R3HDM2: variants seen among roughly 807,000 people sequenced by gnomAD.
R3HDM2 encodes R3H domain-containing protein 2.
In R3HDM2, 38 loss-of-function variants were observed where a neutral mutation model predicts 124.5. The observed-to-expected ratio is 0.31, with a 90% confidence interval of 0.24 to 0.40. The LOEUF is 0.40. Ranked by LOEUF, R3HDM2 falls within the 10% of genes least tolerant of loss-of-function variation. The probability of loss-of-function intolerance (pLI) is 1.00; values close to 1 mark genes in which losing one functional copy is unlikely to be tolerated. For missense variants in R3HDM2, 869 were observed against 1,236.9 expected, an observed-to-expected ratio of 0.70 and a Z score of 4.46; for synonymous variants, 391 against 448.0, an observed-to-expected ratio of 0.87 and a Z score of 1.61.
intron 12 of R3HDM2, among the ~76,000 whole-genome samples, chr12:57,284,740 G>C (rs2046944383): frequency 6.6e-6 from 1 of 152,194 alleles, no homozygotes; most frequent in Admixed American, 6.5e-5. Flanking sequence ...ATATGCTCTT[G>C]GGACTCAGGA....
At position 57,280,565 on chromosome 12, in the gene R3HDM2, G is replaced by A. The variant is rs762463712; in HGVS notation, c.1172-35C>T. On this transcript the variant is annotated intron_variant, in intron 13 of 23. Transcript: ENST00000402412. ...AGAAGAAACCCACAAAAAGTTGTAA[G>A]CATAAGCCACGAACACATTATCCCT... The A allele has an allele frequency of 1.9e-6, 3 of 1,554,582 alleles. No individual in the cohort carries two copies. The South Asian group carries it at 3.6e-5, about 19-fold the overall frequency.
Position 57,256,472 on chromosome 12 carries a change from T to C in R3HDM2, c.2489A>G (p.Tyr830Cys). 6.3e-7 allele frequency: 1 copy of C among 1,598,602 alleles called. No individual in the cohort carries two copies. Among genetic ancestry groups the C allele is most frequent in the African/African-American group, 1.3e-5 (1 of 74,706 alleles). Residue 830 changes from tyrosine (Y) to cysteine (C), a missense_variant, in exon 22 of 24, where the codon TAC (tyrosine) becomes TGC (cysteine). Tyr to Cys is a radical substitution (Grantham distance 194, BLOSUM62 -2). This residue lies in a region of R3HDM2 where 602 missense variants were observed against 789.2 expected (regional missense o/e 0.76). Transcript: ENST00000402412. ...RYSLLGQPLQ[Y>C]NLSICPPLLH... ...CAAGGGAGGGCAGATGGACAGATTGTACTGTAATGGCTGGCCCAAAAGGGA... is the reference window on the plus strand; with the variant it reads ...CAAGGGAGGGCAGATGGACAGATTGCACTGTAATGGCTGGCCCAAAAGGGA...
chr12:57,291,137 C>A (rs991315889), intron 11 of R3HDM2, among the ~76,000 whole-genome samples: 5 of 152,130 alleles, frequency 3.3e-5, no homozygotes, highest in Non-Finnish European at 5.9e-5. Flanking sequence ...CCTTCTTGGA[C>A]TTTGGGCCAG....
intron 2 of R3HDM2, among the ~76,000 whole-genome samples, chr12:57,367,628 G>A (rs1239145636): frequency 6.6e-6 from 1 of 152,156 alleles, no homozygotes; most frequent in Non-Finnish European, 1.5e-5. Flanking sequence ...CTGAAAGGTG[G>A]ACAATCATAG....
rs1220659478 is a variant in R3HDM2 at position 57,427,295 on chromosome 12, AAAAT to A, written c.-106+3421_-106+3424del. Among the ~76,000 whole-genome samples the A allele has an allele frequency of 2.0e-5, 3 of 149,004 alleles. No homozygotes were observed. The East Asian group carries it at 5.9e-4, about 29-fold the overall frequency. The stretch of plus-strand genomic sequence containing the variant: ...GACAGACAGAGGTTCTGTCTCAAAA[AAAAT>A]AAATAAATAATAATAAAATAAAATA... On this transcript the variant is annotated intron_variant, in intron 1 of 23. Coordinates refer to ENST00000402412, the MANE Select transcript of R3HDM2 (RefSeq NM_001394031.1).
At chr12:57,358,131 G>A (rs1205325088) in intron 2 of R3HDM2, among the ~76,000 whole-genome samples, 1 of 116,662 alleles carries the variant, frequency 8.6e-6, no homozygotes, top group African/African-American at 3.4e-5. Context: ...GGCGCGTGAC[G>A]CTACGCCCAG....
chr12:57,430,769 G>A lies in R3HDM2; in HGVS notation c.-155C>T, dbSNP rs1036422645. 1.7e-3 allele frequency: 300 copies of A among 171,874 alleles called. 2 individuals are homozygous for A. Among genetic ancestry groups the A allele is most frequent in the African/African-American group, 6.8e-3 (282 of 41,434 alleles). The allele number at this position is 171,874 out of a possible 1,614,324, so 10.6% of individuals were successfully genotyped here. A position where few individuals can be genotyped will look rare whatever the true frequency, so the allele number is the denominator to read the frequency against. On this transcript the variant is annotated 5_prime_UTR_variant, in exon 1 of 24. Coordinates refer to ENST00000402412, the MANE Select transcript of R3HDM2 (RefSeq NM_001394031.1). ...GCGCCCACGTCTCCGCCCGCCGCCCGGGCCCACGGCCGCTCGGCTGCGGCT... is the reference window on the plus strand; with the variant it reads ...GCGCCCACGTCTCCGCCCGCCGCCCAGGCCCACGGCCGCTCGGCTGCGGCT...
intron 2 of R3HDM2, among the ~76,000 whole-genome samples, chr12:57,340,482 A>ATT (rs1187825628): frequency 6.6e-6 from 1 of 152,144 alleles, no homozygotes; most frequent in Non-Finnish European, 1.5e-5. Flanking sequence ...TTGCCCTAGG[A>ATT]TTATCTTCCT....
chr12:57,428,764 T>G (rs550887471), intron 1 of R3HDM2, among the ~76,000 whole-genome samples: 8 of 151,902 alleles, frequency 5.3e-5, no homozygotes, highest in Non-Finnish European at 1.0e-4. Flanking sequence ...TTTTTTTTTT[T>G]GAGACAGTCT....
intron 19 of R3HDM2, among the ~76,000 whole-genome samples, chr12:57,261,281 G>C (rs1440572701): frequency 6.6e-6 from 1 of 152,092 alleles, no homozygotes; most frequent in Non-Finnish European, 1.5e-5. Context: ...TGTTTTTCTA[G>C]AAGGTATTCA....
chr12:57,374,627 G>C (rs1193272689), intron 2 of R3HDM2, among the ~76,000 whole-genome samples: 2 of 132,464 alleles, frequency 1.5e-5, no homozygotes, highest in African/African-American at 5.7e-5. Flanking sequence ...AGGTTGCAGT[G>C]AGCCAAGATC....
chr12:57,293,799 A>G (rs573690230), intron 10 of R3HDM2, among the ~76,000 whole-genome samples: 2 of 152,242 alleles, frequency 1.3e-5, no homozygotes, highest in Non-Finnish European at 2.9e-5. Flanking sequence ...AAAGGTAACC[A>G]TAACTTCAAG....
intron 2 of R3HDM2, among the ~76,000 whole-genome samples, chr12:57,395,299 G>A (rs969676152): frequency 1.8e-4 from 28 of 152,232 alleles, no homozygotes; most frequent in Non-Finnish European, 2.2e-4. Context: ...AAGGTCGGGA[G>A]TTCCAGACCA....
chr12:57,262,009 C>A (rs959221408), intron 19 of R3HDM2, among the ~76,000 whole-genome samples: 2 of 152,094 alleles, frequency 1.3e-5, no homozygotes, highest in Admixed American at 1.3e-4. Context: ...ACATTTATGT[C>A]TGGCAGAATT....
At chr12:57,425,730 G>A (rs555220216) in intron 1 of R3HDM2, among the ~76,000 whole-genome samples, 13 of 152,240 alleles carry the variant, frequency 8.5e-5, no homozygotes, top group East Asian at 1.9e-4. Context: ...CCTGGGAGGC[G>A]GAGGTGGTAG....
intron 2 of R3HDM2, among the ~76,000 whole-genome samples, chr12:57,373,144 G>A (rs982806077): frequency 9.2e-5 from 14 of 152,202 alleles, no homozygotes; most frequent in African/African-American, 3.4e-4. Context: ...TGAGGCTGCA[G>A]TAAGCTATGA....
chr12:57,266,206 C>T (rs1435744880), intron 19 of R3HDM2, among the ~76,000 whole-genome samples: 2 of 149,780 alleles, frequency 1.3e-5, no homozygotes, highest in Non-Finnish European at 3.0e-5. Context: ...AAGTGATTCT[C>T]GTGCCTCAGC....
rs1390317340 is a variant in R3HDM2 at position 57,300,123 on chromosome 12, G to C, written c.266C>G (p.Pro89Arg). 2 of 1,551,510 alleles carry C rather than the reference G, an allele frequency of 1.3e-6. No individual in the cohort carries two copies. The highest frequency in any genetic ancestry group is 2.4e-5 in the South Asian group (2 of 84,038). ...SLAVCEESSTPFADGPLETQD... is the reference protein window; with the variant it reads ...SLAVCEESSTRFADGPLETQD... The stretch of plus-strand genomic sequence containing the variant: ...GGTTTCTAATGGCCCATCAGCAAAT[G>C]GGGTGGAGGACTCCTCACACACTGC... Residue 89 changes from proline to arginine, a missense_variant, in exon 5 of 24, where the codon CCA becomes CGA. Pro to Arg is a moderately radical substitution (Grantham distance 103). Transcript: ENST00000402412.
chr12:57,278,289 C>G (rs2045331149), intron 14 of R3HDM2, among the ~76,000 whole-genome samples: 1 of 152,086 alleles, frequency 6.6e-6, no homozygotes, highest in Non-Finnish European at 1.5e-5. Flanking sequence ...GGGACAGAAC[C>G]TGAGTAGAAG....
Sources: gnomAD v4.1 joint callset for allele counts (sites outside exome capture counted in the v4.1 genomes callset) on GRCh38, gnomAD v4.1.1 for gene constraint, gnomAD v4.1.1 regional missense constraint, MANE v1.5 for transcripts, NCBI Gene and HGNC (gene_info 2026-07-23, HGNC 2026-07-21) for gene names.